The following TENM1 variants were observed in gnomAD, a reference collection of about 807,000 sequenced individuals.
The protein encoded by TENM1 is teneurin transmembrane protein 1, also known as teneurin-1.
A neutral mutation model predicts 174.8 loss-of-function variants in TENM1; 35 were observed. The observed-to-expected ratio is 0.20, with a 90% CI of 0.15 to 0.27. The LOEUF (loss-of-function observed/expected upper bound fraction) is 0.27. Among genes scored for constraint, TENM1 ranks in the 10% least tolerant of loss-of-function variants. The probability of loss-of-function intolerance (pLI) is 1.00; values close to 1 mark genes in which losing one functional copy is unlikely to be tolerated. For missense variants in TENM1, 1,633 were observed against 2,130.1 expected (o/e 0.77, Z 4.59); for synonymous variants, 781 against 798.7 (o/e 0.98, Z 0.37).
rs765381095 is a variant in TENM1 at position 124,653,879 on chromosome X, T to C, written c.1169-96A>G. On this transcript the variant is annotated intron_variant, in intron 6 of 31. Coordinates refer to ENST00000422452, the Ensembl canonical transcript of TENM1. The stretch of plus-strand genomic sequence containing the variant: ...TCAAGAACAGATATATCAAAATAAC[T>C]TACTCAGCTTTTTCTTCCTCCCCAC... 58 of 754,768 alleles carry C rather than the reference T, an allele frequency of 7.7e-5. 1 individual carries two copies. In the African/African-American group the frequency reaches 1.0e-3, roughly 13 times the overall value. The allele number at this position is 754,768 out of a possible 1,213,427, so 62.2% of individuals were successfully genotyped here.
chrX:124,557,666 A>C (rs1340994002), intron 14 of TENM1, among the ~76,000 whole-genome samples: 1 of 111,332 alleles, frequency 9.0e-6, no homozygotes, highest in Non-Finnish European at 1.9e-5. Flanking sequence ...TAAATTTTGT[A>C]CTTGGGTGTG....
chrX:124,705,116 G>C (rs1037931778), exon 5 of TENM1: 4 of 1,211,441 alleles, frequency 3.3e-6, no homozygotes, highest in Non-Finnish European at 4.5e-6. Flanking sequence ...TAAAGGTAAA[G>C]GCAGGTCGGG....
chrX:124,558,061 T>A (rs1412296015), intron 14 of TENM1, among the ~76,000 whole-genome samples: 2 of 112,226 alleles, frequency 1.8e-5, no homozygotes, highest in East Asian at 5.6e-4. Context: ...AGTTCTTGTA[T>A]ATACAATACA....
intron 13 of TENM1, among the ~76,000 whole-genome samples, chrX:124,562,740 T>C: frequency 8.9e-6 from 1 of 112,815 alleles, no homozygotes; most frequent in Middle Eastern, 4.6e-3. Context: ...GGCAGATGAA[T>C]GGAGAAAGCA....
the TENM1 span, among the ~76,000 whole-genome samples, chrX:125,089,065 T>A: frequency 1.8e-5 from 2 of 111,291 alleles, no homozygotes; most frequent in African/African-American, 6.5e-5. Flanking sequence ...TAAAGCCGCA[T>A]AGAGGTTTGT....
At chrX:124,887,597 A>G (rs2057410986) in intron 3 of TENM1, among the ~76,000 whole-genome samples, 1 of 111,907 alleles carries the variant, frequency 8.9e-6, no homozygotes, top group Admixed American at 9.5e-5. Context: ...AGCTTGTTAT[A>G]TCTACCTTGA....
Position 124,894,646 on chromosome X carries a change from A to C in TENM1, c.479-294T>G, listed in dbSNP as rs147123286. The stretch of plus-strand genomic sequence containing the variant: ...GAAGAATAGCAGAGCCCAGTGGGGA[A>C]ACTTCTTTCATTTTAATGTTTCAAC... On this transcript the variant is annotated intron_variant, in intron 2 of 31. Coordinates refer to ENST00000422452, the Ensembl canonical transcript of TENM1. 6.0e-3 allele frequency among the ~76,000 whole-genome samples: 672 copies of C among 111,572 alleles called. 8 individuals are homozygous for C. Among genetic ancestry groups the C allele is most frequent in the African/African-American group, 0.021 (644 of 30,767 alleles).
At chrX:125,193,428 C>G in the TENM1 span, among the ~76,000 whole-genome samples, 1 of 111,422 alleles carries the variant, frequency 9.0e-6, no homozygotes, top group African/African-American at 3.3e-5. Context: ...GCTATGTTGC[C>G]CAGGCTGGAC....
chrX:124,472,086 T>C (rs999920077), intron 22 of TENM1, among the ~76,000 whole-genome samples: 7 of 107,957 alleles, frequency 6.5e-5, no homozygotes, highest in Non-Finnish European at 9.6e-5. Flanking sequence ...AGTGATAAAA[T>C]ACTTCTTCCA....
intron 1 of TENM1, among the ~76,000 whole-genome samples, chrX:124,954,148 A>C (rs775665814): frequency 1.8e-5 from 2 of 112,253 alleles, no homozygotes; most frequent in African/African-American, 3.2e-5. Context: ...TTAAGAATAT[A>C]TATAGCAAAT....
intron 5 of TENM1, among the ~76,000 whole-genome samples, chrX:124,703,506 T>C (rs917973945): frequency 8.9e-6 from 1 of 112,029 alleles, no homozygotes; most frequent in African/African-American, 3.2e-5. Flanking sequence ...TGCTATTACT[T>C]GAGCTTGTTT....
chrX:125,167,105 A>C, the TENM1 span, among the ~76,000 whole-genome samples: 1 of 112,038 alleles, frequency 8.9e-6, no homozygotes, highest in Admixed American at 9.5e-5. Flanking sequence ...AAAAGTCCCA[A>C]AGTAGATTTG....
At chrX:124,683,551 GT>G (rs1456434079) in intron 5 of TENM1, among the ~76,000 whole-genome samples, 6 of 111,760 alleles carry the variant, frequency 5.4e-5, no homozygotes, top group Admixed American at 2.8e-4. Context: ...TGGGAACTCT[GT>G]AAAAACCCTC....
At chrX:125,085,184 C>CA in the TENM1 span, among the ~76,000 whole-genome samples, 42 of 99,033 alleles carry the variant, frequency 4.2e-4, no homozygotes, top group East Asian at 9.4e-4. Flanking sequence ...ACATACAGGG[C>CA]AAAAAAAAAA....
At chrX:124,443,044 A>ATGTGTGTGTGTGTGTG (rs59365041) in intron 23 of TENM1, among the ~76,000 whole-genome samples, 30 of 51,950 alleles carry the variant, frequency 5.8e-4, no homozygotes, top group Admixed American at 5.3e-4. Context: ...CTGGATGACT[A>ATGTGTGTGTGTGTGTG]TGTGTGTGTG....
the TENM1 span, among the ~76,000 whole-genome samples, chrX:125,098,928 C>T: frequency 8.9e-6 from 1 of 111,901 alleles, no homozygotes; most frequent in Non-Finnish European, 1.9e-5. Context: ...TTAGCCCATC[C>T]AGAACTTGAA....
the TENM1 span, among the ~76,000 whole-genome samples, chrX:125,164,983 A>G: frequency 2.7e-5 from 3 of 111,937 alleles, no homozygotes; most frequent in Non-Finnish European, 5.7e-5. Context: ...TCATGACTAG[A>G]AAACATCCAG....
At chrX:124,379,228 C>T (rs1446025076) in exon 32 of TENM1, 1 of 111,605 alleles carries the variant, frequency 9.0e-6, no homozygotes, top group Non-Finnish European at 1.9e-5. Flanking sequence ...GCAGTAGAGA[C>T]GATTAAATAA....
the TENM1 span, among the ~76,000 whole-genome samples, chrX:125,008,917 A>G: frequency 2.7e-5 from 3 of 111,542 alleles, no homozygotes; most frequent in East Asian, 2.8e-4. Flanking sequence ...CTAAAGGCCC[A>G]CATCAGAAAG....
Sources: allele counts gnomAD v4.1 joint callset (sites outside exome capture counted in the v4.1 genomes callset), GRCh38; gene constraint gnomAD v4.1.1; transcripts MANE v1.5; gene names NCBI Gene and HGNC (gene_info 2026-07-23, HGNC 2026-07-21).